Variants in MACROD2 observed in about 807,000 individuals in gnomAD.
The protein encoded by MACROD2 is mono-ADP ribosylhydrolase 2, also known as ADP-ribose glycohydrolase MACROD2.
In MACROD2, 36 loss-of-function variants were observed where a neutral mutation model predicts 70.4. That is an observed-to-expected ratio of 0.51 (90% CI 0.39 to 0.68). MACROD2 has a LOEUF of 0.68. Ranked by LOEUF, MACROD2 falls within the 30% of genes least tolerant of loss-of-function variation. The pLI is 0.00. For missense variants in MACROD2, 496 were observed against 538.4 expected, an observed-to-expected ratio of 0.92 and a Z score of 0.78; for synonymous variants, 172 against 178.8, an observed-to-expected ratio of 0.96 and a Z score of 0.30.
intron 5 of MACROD2, among the ~76,000 whole-genome samples, chr20:15,153,182 A>G (rs978612257): frequency 2.0e-5 from 3 of 152,052 alleles, no homozygotes; most frequent in Non-Finnish European, 4.4e-5. Flanking sequence ...AGACCACCAA[A>G]CAGGCTTTGT....
chr20:14,904,457 A>G lies in MACROD2; in HGVS notation c.418+219498A>G, dbSNP rs2122564116. Among the ~76,000 whole-genome samples the G allele has an allele frequency of 1.3e-5, 2 of 152,246 alleles. 1 individual carries two copies. The highest frequency in any genetic ancestry group is 4.8e-5 in the African/African-American group (2 of 41,554). ...ATTATGTTTCAAATATAACTTAAAA[A>G]TATATAGGTGGGTACATATATGCAT... is the stretch of plus-strand genomic sequence containing the variant. On this transcript the variant is annotated intron_variant, in intron 5 of 17. Coordinates refer to ENST00000684519, the MANE Select transcript of MACROD2 (RefSeq NM_001351661.2).
intron 15 of MACROD2, among the ~76,000 whole-genome samples, chr20:15,988,655 G>A (rs554641459): frequency 1.3e-5 from 2 of 152,016 alleles, no homozygotes; most frequent in Non-Finnish European, 2.9e-5. Flanking sequence ...GATAATGGTG[G>A]AATAGCATGT....
At chr20:14,132,218 AT>A (rs545174177) in intron 3 of MACROD2, among the ~76,000 whole-genome samples, 18 of 149,012 alleles carry the variant, frequency 1.2e-4, no homozygotes, top group African/African-American at 2.2e-4. Flanking sequence ...GCTAATTAAA[AT>A]TTTTTTTTTG....
At chr20:14,859,378 C>G (rs149087254) in intron 5 of MACROD2, among the ~76,000 whole-genome samples, 1 of 152,202 alleles carries the variant, frequency 6.6e-6, no homozygotes, top group African/African-American at 2.4e-5. Flanking sequence ...AGGGCTGCAT[C>G]TTTAGAAATG....
intron 3 of MACROD2, among the ~76,000 whole-genome samples, chr20:14,431,378 A>G (rs1182302052): frequency 6.6e-6 from 1 of 152,120 alleles, no homozygotes; most frequent in Admixed American, 6.6e-5. Flanking sequence ...AGCTTAGAAG[A>G]AAGGTCACAA....
intron 8 of MACROD2, among the ~76,000 whole-genome samples, chr20:15,643,891 T>C (rs2049499946): frequency 6.6e-6 from 1 of 152,162 alleles, no homozygotes; most frequent in Admixed American, 6.5e-5. Flanking sequence ...TCTACCATCC[T>C]CACGGTCTTA....
intron 7 of MACROD2, among the ~76,000 whole-genome samples, chr20:15,452,337 T>C (rs530252259): frequency 6.6e-6 from 1 of 152,178 alleles, no homozygotes; most frequent in East Asian, 1.9e-4. Context: ...GGCAGGAAGA[T>C]CCTGAGAGGT....
intron 3 of MACROD2, among the ~76,000 whole-genome samples, chr20:14,359,921 G>GA (rs981381291): frequency 3.5e-4 from 52 of 149,310 alleles, no homozygotes; most frequent in Non-Finnish European, 4.5e-4. Context: ...ATTCAGCTTT[G>GA]AAAAAAAAAT....
chr20:14,475,571 T>A (rs544630903), intron 3 of MACROD2, among the ~76,000 whole-genome samples: 164 of 148,908 alleles, frequency 1.1e-3, no homozygotes, highest in African/African-American at 3.9e-3. Context: ...CCTTTAGCAT[T>A]TTTTTTTTTA....
chr20:15,664,532 A>G (rs465416), intron 8 of MACROD2, among the ~76,000 whole-genome samples: 84,808 of 151,890 alleles, frequency 0.56, 24,138 homozygotes, highest in East Asian at 0.86. Context: ...TTTGACTTAC[A>G]TGTCTGGGGC....
At chr20:14,803,590 C>A (rs6135266) in intron 5 of MACROD2, among the ~76,000 whole-genome samples, 11,012 of 151,996 alleles carry the variant, frequency 0.072, 574 homozygotes, top group East Asian at 0.2. Context: ...AAGTGATTCT[C>A]CAGCCTCAGC....
rs568184839 is a variant in MACROD2 at position 15,179,128 on chromosome 20, C to T, written c.419-50812C>T. Among the ~76,000 whole-genome samples, 13 of 152,252 alleles carry T rather than the reference C, an allele frequency of 8.5e-5. No homozygotes were observed. In the East Asian group the frequency reaches 2.3e-3, roughly 27 times the overall value. On this transcript the variant is annotated intron_variant, in intron 5 of 17. Coordinates refer to ENST00000684519, the MANE Select transcript of MACROD2 (RefSeq NM_001351661.2). Reference sequence around the variant, plus strand: ...TCCAGAATAGTGATTAGTTACCTTTCGTGAGAGTATTGACTGGTAGGTGGC... The same window carrying T: ...TCCAGAATAGTGATTAGTTACCTTTTGTGAGAGTATTGACTGGTAGGTGGC...
intron 8 of MACROD2, among the ~76,000 whole-genome samples, chr20:15,610,989 A>ATTT (rs1600665066): frequency 5.0e-5 from 4 of 79,886 alleles, no homozygotes; most frequent in African/African-American, 1.8e-4. Flanking sequence ...TTAGCCAAAA[A>ATTT]TCTTTTTTTT....
chr20:14,649,485 G>A (rs1030161244), intron 4 of MACROD2, among the ~76,000 whole-genome samples: 20 of 152,186 alleles, frequency 1.3e-4, no homozygotes, highest in African/African-American at 4.3e-4. Context: ...AACAGGGAAA[G>A]TAAGCAAGAT....
At chr20:15,521,319 A>C (rs1375143322) in intron 8 of MACROD2, among the ~76,000 whole-genome samples, 1 of 152,230 alleles carries the variant, frequency 6.6e-6, no homozygotes, top group Non-Finnish European at 1.5e-5. Flanking sequence ...ATGTAGAATT[A>C]GGAACTGGTC....
At chr20:14,348,844 G>A (rs2083090965) in intron 3 of MACROD2, among the ~76,000 whole-genome samples, 1 of 152,142 alleles carries the variant, frequency 6.6e-6, no homozygotes, top group Admixed American at 6.5e-5. Flanking sequence ...GAGGCAGGCA[G>A]ATCACTTGAG....
chr20:14,853,156 A>AGT (rs1264837181), intron 5 of MACROD2, among the ~76,000 whole-genome samples: 48 of 92,280 alleles, frequency 5.2e-4, no homozygotes, highest in East Asian at 1.6e-3. Flanking sequence ...AGGTGTGAAC[A>AGT]GTGTGTGTGT....
chr20:15,410,515 A>T (rs2046062404), intron 6 of MACROD2, among the ~76,000 whole-genome samples: 1 of 152,162 alleles, frequency 6.6e-6, no homozygotes, highest in African/African-American at 2.4e-5. Flanking sequence ...CTCCATCAAC[A>T]GTCATCAAGT....
intron 8 of MACROD2, among the ~76,000 whole-genome samples, chr20:15,539,370 T>A (rs2146563737): frequency 6.6e-6 from 1 of 152,298 alleles, no homozygotes; most frequent in Non-Finnish European, 1.5e-5. Flanking sequence ...GAACGCAGAA[T>A]TATCTAAGAA....
Sources: allele counts gnomAD v4.1 joint callset (sites outside exome capture counted in the v4.1 genomes callset), GRCh38; gene constraint gnomAD v4.1.1; transcripts MANE v1.5; gene names NCBI Gene and HGNC (gene_info 2026-07-23, HGNC 2026-07-21).